The following BABAM2 variants were observed in gnomAD, a reference collection of about 807,000 sequenced individuals.
BABAM2 encodes BRISC and BRCA1-A complex member 2.
Under a neutral mutation model 54.7 loss-of-function variants are expected in BABAM2, and 31 were observed. The observed-to-expected ratio is 0.57, with a 90% CI of 0.43 to 0.77. The LOEUF is 0.77. Among genes scored for constraint, BABAM2 ranks in the 30% least tolerant of loss-of-function variants. BABAM2 has a pLI of 0.00. For missense variants in BABAM2, 364 were observed against 455.8 expected, an observed-to-expected ratio of 0.80 and a Z score of 1.83; for synonymous variants, 167 against 162.9, an observed-to-expected ratio of 1.03 and a Z score of -0.19.
chr2:28,163,630 C>T (rs1186395870), intron 7 of BABAM2, among the ~76,000 whole-genome samples: 5 of 152,070 alleles, frequency 3.3e-5, no homozygotes, highest in South Asian at 2.1e-4. Flanking sequence ...TGGAGTAAAT[C>T]GGATGATAGA....
At chr2:28,037,916 T>C (rs1676783145) in intron 5 of BABAM2, among the ~76,000 whole-genome samples, 1 of 152,168 alleles carries the variant, frequency 6.6e-6, no homozygotes, top group African/African-American at 2.4e-5. Flanking sequence ...CTTGATATTA[T>C]GGGATAGTAT....
rs536295625 is a variant in BABAM2, at chr2:28,135,254, T to C, written c.680+5874T>C. Among the ~76,000 whole-genome samples, 13 of 152,362 alleles carry C rather than the reference T, an allele frequency of 8.5e-5. No individual in the cohort carries two copies. The East Asian group carries it at 1.3e-3, about 16-fold the overall frequency. ...TGCAATACTGTAACAATAACAGATA[T>C]GTATTTGTTCAGTACTTTAAAATAT... is the stretch of plus-strand genomic sequence containing the variant. On this transcript the variant is annotated intron_variant, in intron 7 of 11. Transcript: ENST00000379624.
chr2:27,928,120 G>A (rs892401749), intron 2 of BABAM2, among the ~76,000 whole-genome samples: 15 of 151,932 alleles, frequency 9.9e-5, no homozygotes, highest in South Asian at 2.1e-4. Context: ...CAAGCAATTC[G>A]CCTGAGTTAG....
intron 10 of BABAM2, among the ~76,000 whole-genome samples, chr2:28,245,317 A>G (rs1346060330): frequency 2.0e-5 from 3 of 152,210 alleles, no homozygotes; most frequent in African/African-American, 7.2e-5. Flanking sequence ...TTTTGGTATT[A>G]TTGGAAACAT....
At chr2:28,222,189 C>T (rs1291054885) in intron 7 of BABAM2, among the ~76,000 whole-genome samples, 1 of 152,136 alleles carries the variant, frequency 6.6e-6, no homozygotes, top group African/African-American at 2.4e-5. Flanking sequence ...AATGCCTACA[C>T]AGGGTTCTGT....
chr2:28,008,799 A>C (rs1674161260), intron 4 of BABAM2, among the ~76,000 whole-genome samples: 1 of 152,144 alleles, frequency 6.6e-6, no homozygotes, highest in African/African-American at 2.4e-5. Context: ...AGGCAGATGA[A>C]AGGATCAAGT....
intron 2 of BABAM2, among the ~76,000 whole-genome samples, chr2:27,920,790 T>C (rs1667290124): frequency 1.3e-5 from 2 of 152,304 alleles, no homozygotes; most frequent in African/African-American, 4.8e-5. Flanking sequence ...TTGTTCTTTT[T>C]AGGTGGCTTG....
At chr2:28,320,652 G>A (rs1026332065) in intron 11 of BABAM2, among the ~76,000 whole-genome samples, 8 of 152,214 alleles carry the variant, frequency 5.3e-5, no homozygotes, top group East Asian at 1.9e-4. Context: ...ATCACTCAGC[G>A]GGGTGCCTTC....
intron 11 of BABAM2, among the ~76,000 whole-genome samples, chr2:28,334,254 C>T (rs1691215858): frequency 6.6e-6 from 1 of 152,256 alleles, no homozygotes; most frequent in South Asian, 2.1e-4. Context: ...GTTGTAGCCC[C>T]TTCCCCTAGA....
intron 7 of BABAM2, among the ~76,000 whole-genome samples, chr2:28,189,366 A>G (rs1228076686): frequency 6.6e-6 from 1 of 152,232 alleles, no homozygotes; most frequent in Non-Finnish European, 1.5e-5. Flanking sequence ...CATATAAAAA[A>G]TTATTTAAGT....
intron 3 of BABAM2, among the ~76,000 whole-genome samples, chr2:27,948,777 T>TA (rs879522279): frequency 5.1e-4 from 75 of 148,462 alleles, no homozygotes; most frequent in Admixed American, 8.7e-4. Context: ...CCTCAAAAAA[T>TA]AAAAAAAAAA....
At chr2:27,944,583 C>T (rs13399709) in intron 3 of BABAM2, among the ~76,000 whole-genome samples, 111,832 of 152,078 alleles carry the variant, frequency 0.74, 42,198 homozygotes, top group Middle Eastern at 0.88. Flanking sequence ...CTGTATAGCA[C>T]TACATTGTAT....
intron 7 of BABAM2, among the ~76,000 whole-genome samples, chr2:28,156,076 A>G (rs1262956721): frequency 1.3e-5 from 2 of 152,130 alleles, no homozygotes; most frequent in African/African-American, 2.4e-5. Flanking sequence ...AATACTTGCA[A>G]ATTTATTTTT....
intron 2 of BABAM2, among the ~76,000 whole-genome samples, chr2:27,899,081 T>TA (rs1460765306): frequency 2.0e-5 from 3 of 151,492 alleles, no homozygotes; most frequent in African/African-American, 7.3e-5. Context: ...CTAGGCAACA[T>TA]AGCTAGACCC....
At chr2:28,200,857 C>T (rs1008755556) in intron 7 of BABAM2, among the ~76,000 whole-genome samples, 3 of 152,170 alleles carry the variant, frequency 2.0e-5, no homozygotes, top group African/African-American at 7.2e-5. Flanking sequence ...CAACCTCTGC[C>T]TCCTGGGTTC....
intron 6 of BABAM2, among the ~76,000 whole-genome samples, chr2:28,067,070 T>C (rs913367451): frequency 2.6e-5 from 4 of 152,220 alleles, no homozygotes; most frequent in African/African-American, 9.6e-5. Context: ...TAGCTGGGAT[T>C]ACAGGCATGT....
At chr2:28,254,987 T>C (rs1573940505) in intron 10 of BABAM2, among the ~76,000 whole-genome samples, 1 of 152,106 alleles carries the variant, frequency 6.6e-6, no homozygotes, top group Non-Finnish European at 1.5e-5. Flanking sequence ...ACCTCCCACC[T>C]CAGCTTCCCA....
rs1409394576 is a variant in BABAM2, at chr2:28,025,343, T to G, written c.418T>G (p.Phe140Val). 6.2e-7 allele frequency: 1 copy of G among 1,613,246 alleles called. No individual in the cohort carries two copies. The highest frequency in any genetic ancestry group is 8.5e-7 in the Non-Finnish European group (1 of 1,179,820). The change falls in exon 5 of 12, where the codon TTT becomes GTT. Residue 140 changes from phenylalanine (F) to valine (V), a missense_variant. Transcript: ENST00000379624. Reference protein sequence around the residue: ...SRLRESSRLMFEYQTLLEEPQ... With the variant: ...SRLRESSRLMVEYQTLLEEPQ... Reference sequence around the variant, plus strand: ...CCTCCGGGAGAGCTCCCGCCTCATGTTTGAATACCAGACATTACTGGAGGA... The same window carrying G: ...CCTCCGGGAGAGCTCCCGCCTCATGGTTGAATACCAGACATTACTGGAGGA...
At chr2:28,278,629 G>A (rs982352949) in intron 10 of BABAM2, among the ~76,000 whole-genome samples, 1 of 152,192 alleles carries the variant, frequency 6.6e-6, no homozygotes, top group Non-Finnish European at 1.5e-5. Flanking sequence ...AAAATTGTGA[G>A]ACTAAAGTGG....
Sources: allele counts gnomAD v4.1 joint callset (sites outside exome capture counted in the v4.1 genomes callset), GRCh38; gene constraint gnomAD v4.1.1; transcripts MANE v1.5; gene names NCBI Gene and HGNC (gene_info 2026-07-23, HGNC 2026-07-21).